The following RANBP2 variants were observed in gnomAD, a reference collection of about 807,000 sequenced individuals.
The protein encoded by RANBP2 is E3 SUMO-protein ligase RanBP2.
RANBP2 carries 57 observed loss-of-function variants against 303.6 expected under a neutral mutation model. The observed-to-expected ratio is 0.19, with a 90% CI of 0.15 to 0.23. The LOEUF is 0.23. Ranked by LOEUF, RANBP2 falls within the 10% of genes least tolerant of loss-of-function variation. RANBP2 has a pLI of 1.00. For synonymous variants in RANBP2, 1,167 were observed against 1,301.5 expected, an observed-to-expected ratio of 0.90 and a Z score of 2.23; for missense variants, 3,138 against 3,780.8, an observed-to-expected ratio of 0.83 and a Z score of 4.46.
At chr2:109,540,816 C>G in the RANBP2 span, among the ~76,000 whole-genome samples, 1 of 104,488 alleles carries the variant, frequency 9.6e-6, no homozygotes, top group South Asian at 3.5e-4. Flanking sequence ...AAAAAAAAAG[C>G]TACACATTAG....
chr2:109,570,072 G>A, the RANBP2 span, among the ~76,000 whole-genome samples: 1 of 151,988 alleles, frequency 6.6e-6, no homozygotes, highest in African/African-American at 2.4e-5. Context: ...GCCAAATCAA[G>A]TAATTTCAGC....
chr2:109,118,443 A>T, the RANBP2 span, among the ~76,000 whole-genome samples: 1 of 151,192 alleles, frequency 6.6e-6, no homozygotes, highest in Non-Finnish European at 1.5e-5. Context: ...CAAACGACGG[A>T]TGAATGAAAT....
chr2:109,293,307 G>A, the RANBP2 span, among the ~76,000 whole-genome samples: 1 of 152,090 alleles, frequency 6.6e-6, no homozygotes, highest in East Asian at 1.9e-4. Context: ...GAAGGAGTTT[G>A]GATGACAACT....
chr2:108,816,730 G>T, the RANBP2 span, among the ~76,000 whole-genome samples: 1 of 152,216 alleles, frequency 6.6e-6, no homozygotes, highest in South Asian at 2.1e-4. Context: ...GGGTCTCCTT[G>T]TGTCACCTAG....
chr2:109,357,259 G>A, the RANBP2 span, among the ~76,000 whole-genome samples: 1 of 151,708 alleles, frequency 6.6e-6, no homozygotes. Flanking sequence ...TCGGCTTGCT[G>A]CAAGCTCCGC....
At chr2:109,130,509 CGTTTCT>C in the RANBP2 span, among the ~76,000 whole-genome samples, 1 of 152,174 alleles carries the variant, frequency 6.6e-6, no homozygotes, top group Non-Finnish European at 1.5e-5. Context: ...TAGCCCTTAA[CGTTTCT>C]GACAGGGCTC....
At chr2:109,380,254 C>T in the RANBP2 span, among the ~76,000 whole-genome samples, 1 of 152,208 alleles carries the variant, frequency 6.6e-6, no homozygotes, top group African/African-American at 2.4e-5. Context: ...GTGAAATTAA[C>T]ATCTTATAAT....
At chr2:108,778,086 A>G (rs1379223190) in intron 25 of RANBP2, among the ~76,000 whole-genome samples, 1 of 152,198 alleles carries the variant, frequency 6.6e-6, no homozygotes, top group East Asian at 1.9e-4. Flanking sequence ...ATCAAAGGGT[A>G]ATGTGTCAGT....
chr2:109,605,236 T>G, the RANBP2 span, among the ~76,000 whole-genome samples: 1 of 152,118 alleles, frequency 6.6e-6, no homozygotes, highest in African/African-American at 2.4e-5. Context: ...ATTACTAGTA[T>G]GATCAGGCAG....
At chr2:108,972,377 G>C in the RANBP2 span, among the ~76,000 whole-genome samples, 1 of 152,224 alleles carries the variant, frequency 6.6e-6, no homozygotes, top group Non-Finnish European at 1.5e-5. Flanking sequence ...GCACTGCATG[G>C]TGTGGTCTCC....
chr2:108,827,636 G>A, the RANBP2 span, among the ~76,000 whole-genome samples: 1 of 151,950 alleles, frequency 6.6e-6, no homozygotes, highest in Non-Finnish European at 1.5e-5. Context: ...CTAACACAGT[G>A]AAACCCCGTC....
At chr2:109,252,134 C>T in the RANBP2 span, among the ~76,000 whole-genome samples, 5 of 152,124 alleles carry the variant, frequency 3.3e-5, no homozygotes, top group South Asian at 1.0e-3. Context: ...GTCTCAGCTA[C>T]TCAGGAGGCT....
the RANBP2 span, among the ~76,000 whole-genome samples, chr2:109,712,426 T>A: frequency 6.6e-6 from 1 of 151,986 alleles, no homozygotes; most frequent in South Asian, 2.1e-4. Context: ...CTATAAAAAA[T>A]TATTTATTTT....
the RANBP2 span, among the ~76,000 whole-genome samples, chr2:109,722,696 C>T: frequency 6.6e-6 from 1 of 152,178 alleles, no homozygotes; most frequent in Non-Finnish European, 1.5e-5. Context: ...CTTCTGTTTT[C>T]ATTGTTCAGC....
the RANBP2 span, among the ~76,000 whole-genome samples, chr2:108,892,899 T>G: frequency 6.6e-6 from 1 of 152,222 alleles, no homozygotes; most frequent in Non-Finnish European, 1.5e-5. Flanking sequence ...AAAGTGTGAC[T>G]GTCTACACAC....
chr2:108,788,840 T>A, downstream of RANBP2: 1 of 1,613,990 alleles, frequency 6.2e-7, no homozygotes, highest in Non-Finnish European at 8.5e-7. Flanking sequence ...ATGGTTTCTT[T>A]GTCGTTGACA....
chr2:109,765,318 A>G, the RANBP2 span, among the ~76,000 whole-genome samples: 3 of 149,132 alleles, frequency 2.0e-5, 1 homozygote, highest in South Asian at 6.7e-4. Context: ...AAACAAGAGC[A>G]TCATGAAATA....
chr2:109,284,786 T>C, the RANBP2 span, among the ~76,000 whole-genome samples: 4 of 152,128 alleles, frequency 2.6e-5, no homozygotes, highest in South Asian at 4.2e-4. Context: ...TGTGTGTGCT[T>C]AAGGATGTGT....
chr2:108,731,865 A>G (rs528295284), intron 4 of RANBP2: 7 of 215,148 alleles, frequency 3.3e-5, no homozygotes, highest in Non-Finnish European at 5.6e-5. Flanking sequence ...GTCTGAAAGT[A>G]GAAGGGATTG....
Sources: allele counts gnomAD v4.1 joint callset (sites outside exome capture counted in the v4.1 genomes callset), GRCh38; gene constraint gnomAD v4.1.1; transcripts MANE v1.5; gene names NCBI Gene and HGNC (gene_info 2026-07-23, HGNC 2026-07-21).